Variants in DDB1 observed in about 807,000 individuals in gnomAD.
The protein encoded by DDB1 is DNA damage-binding protein 1.
In DDB1, 18 loss-of-function variants were observed where a neutral mutation model predicts 133.1. That is an observed-to-expected ratio of 0.14 (90% CI 0.09 to 0.20). The LOEUF is 0.20. Ranked by LOEUF, DDB1 falls within the 10% of genes least tolerant of loss-of-function variation. The pLI is 1.00. For synonymous variants in DDB1, 580 were observed against 550.5 expected, an observed-to-expected ratio of 1.05 and a Z score of -0.75; for missense variants, 828 against 1,459.2, an observed-to-expected ratio of 0.57 and a Z score of 7.05.
chr11:61,311,524 C>T (rs1320121729), intron 18 of DDB1, among the ~76,000 whole-genome samples: 1 of 152,086 alleles, frequency 6.6e-6, no homozygotes, highest in Non-Finnish European at 1.5e-5. Context: ...TTCGACCACT[C>T]TACAAAGGAC....
chr11:61,329,806 CAGG>C (rs1565039367), intron 3 of DDB1, 149 bp downstream of exon 3: 4 of 756,692 alleles, frequency 5.3e-6, no homozygotes, highest in Non-Finnish European at 8.7e-6. Flanking sequence ...GAGTGAACTA[CAGG>C]AGTCCTTTCT....
chr11:61,322,959 G>T, intron 8 of DDB1, 52 bp downstream of exon 8: 1 of 1,458,914 alleles, frequency 6.9e-7, no homozygotes, highest in Non-Finnish European at 9.5e-7. Flanking sequence ...GAAATTTGAT[G>T]AAGAAACAGT....
chr11:61,308,960 G>T, intron 21 of DDB1, 23 bp downstream of exon 21: 1 of 1,611,708 alleles, frequency 6.2e-7, no homozygotes, highest in Non-Finnish European at 8.5e-7. Flanking sequence ...CCTAAAGTAA[G>T]TACCAAGTGG....
In DDB1 at chr11:61,302,751, G is replaced by A. The variant is rs763795444; in HGVS notation, c.2943C>T (p.Ser981=). 2.2e-5 allele frequency: 35 copies of A among 1,614,018 alleles called. No individual in the cohort carries two copies. The highest frequency in any genetic ancestry group is 5.0e-5 in the Admixed American group (3 of 60,000). ...AFNLFVCQKD[S]AATTDEERQH... ...GCCGCTCCTCGTCAGTGGTGGCAGCGCTGAAAGGCGGTAAGAAAGTCACTT... is the reference window on the plus strand; with the variant it reads ...GCCGCTCCTCGTCAGTGGTGGCAGCACTGAAAGGCGGTAAGAAAGTCACTT... Residue 981 remains serine (S), a splice_region_variant and synonymous_variant, in exon 24 of 27, where the codon AGC becomes AGT. Coordinates refer to ENST00000301764, the MANE Select transcript of DDB1 (RefSeq NM_001923.5).
At chr11:61,302,979 T>C (rs111566972) in intron 23 of DDB1, 67 bp downstream of exon 23, 4 of 1,450,536 alleles carry the variant, frequency 2.8e-6, no homozygotes, top group Admixed American at 1.7e-5. Context: ...AACCCAATGC[T>C]TGCATCCACC....
At chr11:61,317,889 G>C (rs889219429) in intron 10 of DDB1, among the ~76,000 whole-genome samples, 9 of 152,046 alleles carry the variant, frequency 5.9e-5, no homozygotes, top group Non-Finnish European at 1.2e-4. Flanking sequence ...ATCAATAAAG[G>C]CATCTTGTTT....
chr11:61,323,142 G>T, intron 7 of DDB1, 48 bp from the exon 8 acceptor site: 2 of 1,484,922 alleles, frequency 1.3e-6, no homozygotes, highest in South Asian at 1.2e-5. Context: ...GACCCTACGT[G>T]GGATCCAGAT....
chr11:61,321,785 A>G lies in DDB1; in HGVS notation c.1123-88T>C, dbSNP rs979665114. 5 of 1,142,796 alleles carry G rather than the reference A, an allele frequency of 4.4e-6. No homozygotes were observed. The African/African-American group carries it at 6.1e-5, about 14-fold the overall frequency. The allele number at this position is 1,142,796 out of a possible 1,614,324, so 70.8% of individuals were successfully genotyped here. Reference sequence around the variant, plus strand: ...CCCAGAAAGTAAACACGGTATACCTAAATCCAAGAACCTTTATTGTGGGGC... The same window carrying G: ...CCCAGAAAGTAAACACGGTATACCTGAATCCAAGAACCTTTATTGTGGGGC... On this transcript the variant is annotated intron_variant, in intron 9 of 26. Transcript: ENST00000301764.
intron 10 of DDB1, among the ~76,000 whole-genome samples, chr11:61,317,830 G>A (rs1392539960): frequency 1.3e-5 from 2 of 152,106 alleles, no homozygotes; most frequent in Non-Finnish European, 2.9e-5. Context: ...AAAGTACACA[G>A]AAAAGTCTCA....
chr11:61,320,509 A>G (rs1030973491), intron 10 of DDB1, among the ~76,000 whole-genome samples: 8 of 151,576 alleles, frequency 5.3e-5, no homozygotes, highest in Middle Eastern at 3.4e-3. Context: ...CCATACTTCT[A>G]TTTCTTTATT....
At chr11:61,325,125 G>A (rs1488374972) in intron 6 of DDB1, among the ~76,000 whole-genome samples, 1 of 151,854 alleles carries the variant, frequency 6.6e-6, no homozygotes, top group East Asian at 1.9e-4. Flanking sequence ...TCCAGCCTGG[G>A]CAACAAGAGC....
At chr11:61,322,485 T>G in intron 8 of DDB1, 73 bp from the exon 9 acceptor site, 6 of 1,151,274 alleles carry the variant, frequency 5.2e-6, no homozygotes, top group Non-Finnish European at 7.9e-6. Flanking sequence ...ATGGTTATTG[T>G]CCAAAAGAAA....
chr11:61,328,765 G>T (rs1469308870), intron 4 of DDB1, among the ~76,000 whole-genome samples: 1 of 152,136 alleles, frequency 6.6e-6, no homozygotes, highest in Non-Finnish European at 1.5e-5. Context: ...CAGCTACTCA[G>T]GAGGCTGAGG....
chr11:61,333,070 T>A lies in DDB1; in HGVS notation c.-102A>T. On this transcript the variant is annotated 5_prime_UTR_variant, in exon 1 of 27. Coordinates refer to ENST00000301764, the MANE Select transcript of DDB1 (RefSeq NM_001923.5). ...CCCAACAGCGCGCAGCGAACTCCAC[T>A]GCCGCTGCCTCCGCCCCAGAGACAC... 1 of 1,101,580 alleles carries A rather than the reference T, an allele frequency of 9.1e-7. No homozygotes were observed. The highest frequency in any genetic ancestry group is 1.2e-6 in the Non-Finnish European group (1 of 807,612). 68.2% of individuals were successfully genotyped at this position (1,101,580 alleles called of 1,614,324 possible).
chr11:61,312,543 T>G (rs1321858474), intron 16 of DDB1, among the ~76,000 whole-genome samples: 1 of 146,288 alleles, frequency 6.8e-6, no homozygotes, highest in Non-Finnish European at 1.5e-5. Flanking sequence ...GAGTCTCAGC[T>G]CTGTTATTCA....
chr11:61,324,551 T>C (rs1351153102), intron 6 of DDB1, among the ~76,000 whole-genome samples: 1 of 152,120 alleles, frequency 6.6e-6, no homozygotes, highest in East Asian at 1.9e-4. Flanking sequence ...AGACAGGGTC[T>C]TTCTATGTCA....
chr11:61,329,694 G>A, intron 3 of DDB1, 110 bp from the exon 4 acceptor site: 1 of 1,010,578 alleles, frequency 9.9e-7, no homozygotes, highest in Non-Finnish European at 1.4e-6. Flanking sequence ...AAAACTAATG[G>A]ATCTATTTGA....
At chr11:61,311,459 C>A in intron 18 of DDB1, 1 of 251,030 alleles carries the variant, frequency 4.0e-6, no homozygotes. Context: ...AAAAAACAAA[C>A]AAACAAACCT....
At chr11:61,303,563 C>G (rs1321432586) in intron 22 of DDB1, among the ~76,000 whole-genome samples, 1 of 151,978 alleles carries the variant, frequency 6.6e-6, no homozygotes, top group Non-Finnish European at 1.5e-5. Flanking sequence ...TGGCAGGTGC[C>G]TGTAGTCCCA....
Sources: allele counts gnomAD v4.1 joint callset (sites outside exome capture counted in the v4.1 genomes callset), GRCh38; gene constraint gnomAD v4.1.1; transcripts MANE v1.5; gene names NCBI Gene and HGNC (gene_info 2026-07-23, HGNC 2026-07-21).